TACR1: variants seen among roughly 807,000 people sequenced by gnomAD.
The protein encoded by TACR1 is tachykinin receptor 1.
In TACR1, 25 loss-of-function variants were observed where a neutral mutation model predicts 35.8. The ratio of observed to expected loss-of-function variants is 0.70; its 90% CI spans 0.51 to 0.98. TACR1 has a LOEUF of 0.98. TACR1 is among the 50% of genes least tolerant of loss of function. The probability of loss-of-function intolerance (pLI) is 0.00; values close to 1 mark genes in which losing one functional copy is unlikely to be tolerated. For missense variants in TACR1, 478 were observed against 522.9 expected, an observed-to-expected ratio of 0.91 and a Z score of 0.84; for synonymous variants, 195 against 206.7, an observed-to-expected ratio of 0.94 and a Z score of 0.48.
chr2:75,180,825 G>A (rs1019948016), intron 1 of TACR1, among the ~76,000 whole-genome samples: 1 of 152,126 alleles, frequency 6.6e-6, no homozygotes, highest in Non-Finnish European at 1.5e-5. Flanking sequence ...GAGGTCATGT[G>A]GTTGTTTGTT....
intron 1 of TACR1, chr2:75,154,507 C>CACACACACACACACACACACACACACAG (rs1674788615): frequency 7.1e-6 from 1 of 141,660 alleles, no homozygotes; most frequent in African/African-American, 2.7e-5. Flanking sequence ...CACACACACA[C>CACACACACACACACACACACACACACAG]ACACACACAC....
chr2:75,051,514 C>A, intron 3 of TACR1, 67 bp from the exon 4 acceptor site: 1 of 1,585,980 alleles, frequency 6.3e-7, no homozygotes, highest in Non-Finnish European at 8.6e-7. Context: ...CTTCCTCTCT[C>A]CTCCCACGCC....
rs139153932 is a variant in TACR1, at chr2:75,153,642, G to A, written c.390-32874C>T. On this transcript the variant is annotated intron_variant, in intron 1 of 4. Transcript: ENST00000305249. ...ATTCTTAGAGTATTATTGAAATTGTGTACAACTTGGAGAGAAGCAATGGCA... is the reference window on the plus strand; with the variant it reads ...ATTCTTAGAGTATTATTGAAATTGTATACAACTTGGAGAGAAGCAATGGCA... Among the ~76,000 whole-genome samples the A allele has an allele frequency of 1.5e-3, 231 of 152,316 alleles. 3 individuals carry two copies. The highest frequency in any genetic ancestry group is 5.3e-3 in the African/African-American group (221 of 41,572).
intron 1 of TACR1, among the ~76,000 whole-genome samples, chr2:75,143,761 A>T (rs1233516297): frequency 6.6e-6 from 1 of 152,208 alleles, no homozygotes; most frequent in South Asian, 2.1e-4. Flanking sequence ...TTTGGACCCA[A>T]GGAGACTGGC....
intron 1 of TACR1, among the ~76,000 whole-genome samples, chr2:75,180,460 G>A (rs1356225290): frequency 6.6e-6 from 1 of 152,148 alleles, no homozygotes; most frequent in Non-Finnish European, 1.5e-5. Context: ...CATTAAATCT[G>A]GTCTGGTTGT....
chr2:75,168,373 C>G (rs1286844388), intron 1 of TACR1, among the ~76,000 whole-genome samples: 1 of 152,160 alleles, frequency 6.6e-6, no homozygotes, highest in African/African-American at 2.4e-5. Context: ...TTAATTAGGT[C>G]TGCCCAATCT....
intron 1 of TACR1, among the ~76,000 whole-genome samples, chr2:75,132,305 C>T (rs1038099086): frequency 5.3e-5 from 8 of 152,130 alleles, no homozygotes; most frequent in Admixed American, 1.3e-4. Flanking sequence ...TTAAATCTAA[C>T]CTTCTGTACC....
In TACR1 at chr2:75,156,597, C is replaced by T. The variant is rs541883480; in HGVS notation, c.390-35829G>A. Among the ~76,000 whole-genome samples, 455 of 93,342 alleles carry T rather than the reference C, an allele frequency of 4.9e-3. 2 individuals carry two copies. Among genetic ancestry groups the T allele is most frequent in the African/African-American group, 0.015 (410 of 28,044 alleles). The allele number at this position is 93,342 out of a possible 152,430, so 61.2% of individuals were successfully genotyped here. On this transcript the variant is annotated intron_variant, in intron 1 of 4. Coordinates refer to ENST00000305249, the MANE Select transcript of TACR1 (RefSeq NM_001058.4). ...CAGCCTGGGTAACAGAGCGAGACTCCGTCTCAAAAAAAAAAAAAAAAAAAG... is the reference window on the plus strand; with the variant it reads ...CAGCCTGGGTAACAGAGCGAGACTCTGTCTCAAAAAAAAAAAAAAAAAAAG...
chr2:75,184,623 C>G (rs1351648562), intron 1 of TACR1, among the ~76,000 whole-genome samples: 3 of 151,364 alleles, frequency 2.0e-5, no homozygotes, highest in Non-Finnish European at 4.4e-5. Context: ...AAATAGCCTT[C>G]TAGTACACCA....
intron 1 of TACR1, 115 bp downstream of exon 1, chr2:75,198,431 C>A: frequency 8.0e-7 from 1 of 1,243,804 alleles, no homozygotes; most frequent in Non-Finnish European, 1.1e-6. Flanking sequence ...AGTAAAAAAA[C>A]CCTCAGAGTG....
At chr2:75,100,072 C>T (rs1246215538) in intron 2 of TACR1, among the ~76,000 whole-genome samples, 1 of 152,156 alleles carries the variant, frequency 6.6e-6, no homozygotes, top group African/African-American at 2.4e-5. Flanking sequence ...TCCTCACCTA[C>T]CATGCCACCC....
rs1406426166 is a variant in TACR1, at chr2:75,175,513, T to C, written c.389+23033A>G. 3.3e-5 allele frequency among the ~76,000 whole-genome samples: 5 copies of C among 152,310 alleles called. No individual in the cohort carries two copies. In the South Asian group the frequency reaches 6.2e-4, roughly 19 times the overall value. On this transcript the variant is annotated intron_variant, in intron 1 of 4. Transcript: ENST00000305249. ...CTTGCAGAGACTCTAGGAGAATAAC[T>C]TTGACCCTTCTTTTTTCAGATTCTA...
At chr2:75,063,503 T>G (rs949589568) in intron 2 of TACR1, among the ~76,000 whole-genome samples, 2 of 152,258 alleles carry the variant, frequency 1.3e-5, no homozygotes, top group Non-Finnish European at 2.9e-5. Flanking sequence ...CCAAATATTT[T>G]TTTCTCCAAC....
intron 1 of TACR1, among the ~76,000 whole-genome samples, chr2:75,163,629 T>TC (rs1314843934): frequency 6.6e-6 from 1 of 152,176 alleles, no homozygotes; most frequent in Non-Finnish European, 1.5e-5. Context: ...AATGACTTAT[T>TC]CTACAAAGTT....
chr2:75,178,034 A>G (rs1048273128), intron 1 of TACR1, among the ~76,000 whole-genome samples: 5 of 152,134 alleles, frequency 3.3e-5, no homozygotes, highest in South Asian at 2.1e-4. Flanking sequence ...CTACCAGTCT[A>G]TCTTCACCTT....
chr2:75,193,072 C>T lies in TACR1; in HGVS notation c.389+5474G>A, dbSNP rs529867947. On this transcript the variant is annotated intron_variant, in intron 1 of 4. Transcript: ENST00000305249. ...CTGTCTCCTCCTTCTCTTTTCTCTCCCCTCCATCCTCTCTCCCCTACTGCC... is the reference window on the plus strand; with the variant it reads ...CTGTCTCCTCCTTCTCTTTTCTCTCTCCTCCATCCTCTCTCCCCTACTGCC... Among the ~76,000 whole-genome samples, 36 of 152,054 alleles carry T rather than the reference C, an allele frequency of 2.4e-4. No homozygotes were observed. In the South Asian group the frequency reaches 3.3e-3, roughly 14 times the overall value.
At position 75,097,747 on chromosome 2, in the gene TACR1, C is replaced by T. The variant is rs371607191; in HGVS notation, c.584+22827G>A. ...AGATATTTTGTTTTTTTCTCTTGCTCAGCTGAAATGTGAACAAGTGATTTC... is the reference window on the plus strand; with the variant it reads ...AGATATTTTGTTTTTTTCTCTTGCTTAGCTGAAATGTGAACAAGTGATTTC... On this transcript the variant is annotated intron_variant, in intron 2 of 4. Transcript: ENST00000305249. 1.4e-4 allele frequency among the ~76,000 whole-genome samples: 22 copies of T among 152,256 alleles called. No individual in the cohort carries two copies. The South Asian group carries it at 4.4e-3, about 30-fold the overall frequency.
chr2:75,154,937 C>T (rs941458158), intron 1 of TACR1, among the ~76,000 whole-genome samples: 1 of 152,170 alleles, frequency 6.6e-6, no homozygotes, highest in African/African-American at 2.4e-5. Context: ...CAGGAAGCTG[C>T]CTTTCTCCTC....
intron 2 of TACR1, among the ~76,000 whole-genome samples, chr2:75,084,814 C>G (rs1673160455): frequency 6.6e-6 from 1 of 152,094 alleles, no homozygotes. Flanking sequence ...TGATTCTTCT[C>G]TCTTTTCTTT....
Sources: allele counts gnomAD v4.1 joint callset (sites outside exome capture counted in the v4.1 genomes callset), GRCh38; gene constraint gnomAD v4.1.1; transcripts MANE v1.5; gene names NCBI Gene and HGNC (gene_info 2026-07-23, HGNC 2026-07-21).